MED15: variants seen among roughly 807,000 people sequenced by gnomAD.
MED15 encodes mediator of RNA polymerase II transcription subunit 15.
In MED15, 41 loss-of-function variants were observed where a neutral mutation model predicts 118.7. The ratio of observed to expected loss-of-function variants is 0.35; its 90% CI spans 0.27 to 0.45. The LOEUF (loss-of-function observed/expected upper bound fraction) is 0.45. Ranked by LOEUF, MED15 falls within the 20% of genes least tolerant of loss-of-function variation. The pLI is 1.00. For missense variants in MED15, 740 were observed against 1,025.5 expected (o/e 0.72, Z 3.80); for synonymous variants, 436 against 413.9 (o/e 1.05, Z -0.65).
Position 20,519,264 on chromosome 22 carries a change from C to T in MED15, c.68+11518C>T, listed in dbSNP as rs562978276. Reference sequence around the variant, plus strand: ...ACCATCACCCCATAAGGGAGATGTTCGCCTCAACTTTAGTAATGACTCTCT... The same window carrying T: ...ACCATCACCCCATAAGGGAGATGTTTGCCTCAACTTTAGTAATGACTCTCT... On this transcript the variant is annotated intron_variant, in intron 1 of 17. Transcript: ENST00000263205. Among the ~76,000 whole-genome samples, 155 of 152,172 alleles carry T rather than the reference C, an allele frequency of 1.0e-3. 2 individuals are homozygous for T. The highest frequency in any genetic ancestry group is 1.6e-3 in the Non-Finnish European group (111 of 68,010).
chr22:20,516,003 A>AACAT (rs2054242438), intron 1 of MED15, among the ~76,000 whole-genome samples: 1 of 148,844 alleles, frequency 6.7e-6, no homozygotes. Flanking sequence ...TCTGTCTCAA[A>AACAT]ACAAACAAAA....
chr22:20,546,669 C>T (rs2055556127), intron 2 of MED15, among the ~76,000 whole-genome samples: 1 of 152,088 alleles, frequency 6.6e-6, no homozygotes, highest in Admixed American at 6.6e-5. Context: ...CTTTGAGTGA[C>T]ATTTTGAGCT....
chr22:20,521,910 G>A (rs1335854275), intron 1 of MED15, among the ~76,000 whole-genome samples: 2 of 151,872 alleles, frequency 1.3e-5, no homozygotes, highest in African/African-American at 4.8e-5. Flanking sequence ...ATTTTTAGTA[G>A]AGATGGGGTT....
intron 9 of MED15, among the ~76,000 whole-genome samples, chr22:20,577,641 G>A (rs980743588): frequency 3.3e-5 from 5 of 151,828 alleles, no homozygotes; most frequent in African/African-American, 1.2e-4. Flanking sequence ...GAGAATTCTG[G>A]TTTGTCCTCA....
intron 1 of MED15, among the ~76,000 whole-genome samples, chr22:20,536,284 A>G (rs549397791): frequency 6.9e-6 from 1 of 144,232 alleles, no homozygotes; most frequent in African/African-American, 2.5e-5. Flanking sequence ...CACCCCTGGG[A>G]GCCACAGGCC....
Position 20,510,659 on chromosome 22 carries a change from C to T in MED15, c.68+2913C>T, listed in dbSNP as rs535592925. On this transcript the variant is annotated intron_variant, in intron 1 of 17. Transcript: ENST00000263205. ...AGGAGTCAGTCTTTGTTCCCAGAAG[C>T]TGCCCGAATTCCTTCTCATGCTTTT... Among the ~76,000 whole-genome samples, 70 of 152,292 alleles carry T rather than the reference C, an allele frequency of 4.6e-4. No homozygotes were observed. In the South Asian group the frequency reaches 0.014, roughly 31 times the overall value.
At chr22:20,538,275 G>A (rs757936866) in intron 2 of MED15, among the ~76,000 whole-genome samples, 4 of 151,858 alleles carry the variant, frequency 2.6e-5, no homozygotes, top group Middle Eastern at 3.2e-3. Context: ...TTTTGAGACA[G>A]GGTCTCACTC....
intron 8 of MED15, chr22:20,574,772 C>G (rs926095665): frequency 4.5e-6 from 1 of 219,960 alleles, no homozygotes; most frequent in African/African-American, 2.2e-5. Context: ...CCCTCAAGGT[C>G]TGGCTCTGAT....
At chr22:20,537,249 G>A (rs1395833508) in intron 2 of MED15, 45 bp downstream of exon 2, 1 of 1,563,184 alleles carries the variant, frequency 6.4e-7, no homozygotes, top group Non-Finnish European at 8.8e-7. Context: ...GAGACTTGGA[G>A]AGGAGAGCAT....
intron 1 of MED15, among the ~76,000 whole-genome samples, chr22:20,513,203 C>G (rs1240300292): frequency 6.6e-6 from 1 of 152,068 alleles, no homozygotes; most frequent in Non-Finnish European, 1.5e-5. Context: ...GTATTCTTTA[C>G]CTGAACCAGT....
At chr22:20,530,330 T>C (rs1289124031) in intron 1 of MED15, among the ~76,000 whole-genome samples, 1 of 152,190 alleles carries the variant, frequency 6.6e-6, no homozygotes, top group Non-Finnish European at 1.5e-5. Flanking sequence ...TGATAGATGT[T>C]GTGTTTCTCA....
intron 1 of MED15, chr22:20,522,658 G>A (rs1024221540): frequency 2.6e-5 from 4 of 152,306 alleles, no homozygotes; most frequent in Non-Finnish European, 5.9e-5. Flanking sequence ...TGAGGGCTGG[G>A]TGTAAGGTGA....
intron 2 of MED15, chr22:20,550,918 T>C (rs115227665): frequency 0.018 from 6,345 of 350,842 alleles, 345 homozygotes; most frequent in African/African-American, 0.12. Flanking sequence ...ACACAGATTC[T>C]CCCGGAAAGC....
In MED15 at chr22:20,554,939, C is replaced by G; in HGVS notation, c.242C>G (p.Pro81Arg). Residue 81 changes from proline (P) to arginine (R), a missense_variant, in exon 5 of 18, where the codon CCT becomes CGT. By Grantham distance (103) the Pro-to-Arg change is moderately radical. Coordinates refer to ENST00000263205, the MANE Select transcript of MED15 (RefSeq NM_001003891.3). ...NKKSQASVSD[P>R]MNALQSLTGG... ...CTCTGCCCTTGTGTTCCCACAGATC[C>G]TATGAATGCACTCCAGAGCCTGACT... The G allele has an allele frequency of 6.2e-7, 1 of 1,602,686 alleles. No individual in the cohort carries two copies. Among genetic ancestry groups the G allele is most frequent in the Non-Finnish European group, 8.5e-7 (1 of 1,177,528 alleles).
chr22:20,539,197 C>T (rs960770441), intron 2 of MED15, among the ~76,000 whole-genome samples: 17 of 152,158 alleles, frequency 1.1e-4, no homozygotes, highest in African/African-American at 4.1e-4. Flanking sequence ...CCACTGGGTT[C>T]AAGCAAGTCT....
At chr22:20,551,760 A>G in intron 3 of MED15, 1 of 510,378 alleles carries the variant, frequency 2.0e-6, no homozygotes, top group East Asian at 3.5e-5. Context: ...TTGCTCACTT[A>G]ATCTCCCTTT....
chr22:20,585,976 C>T (rs894554402), intron 17 of MED15, 150 bp downstream of exon 17: 9 of 709,406 alleles, frequency 1.3e-5, no homozygotes, highest in Non-Finnish European at 2.1e-5. Flanking sequence ...GCTCCTCCTG[C>T]ACAGACAGCA....
intron 6 of MED15, 98 bp from the exon 7 acceptor site, chr22:20,566,369 G>A: frequency 1.3e-6 from 2 of 1,558,266 alleles, no homozygotes; most frequent in Non-Finnish European, 1.7e-6. Flanking sequence ...CTCTGCAGAT[G>A]GCCACCTGGG....
At chr22:20,524,920 A>C (rs945865647) in intron 1 of MED15, among the ~76,000 whole-genome samples, 3 of 152,136 alleles carry the variant, frequency 2.0e-5, no homozygotes, top group African/African-American at 7.2e-5. Flanking sequence ...GGCCTGTGGC[A>C]ATTTTTTGAG....
Sources: gnomAD v4.1 joint callset for allele counts (sites outside exome capture counted in the v4.1 genomes callset) on GRCh38, gnomAD v4.1.1 for gene constraint, MANE v1.5 for transcripts, NCBI Gene and HGNC (gene_info 2026-07-23, HGNC 2026-07-21) for gene names.